Variants in DNAH12 observed in about 807,000 individuals in gnomAD.
DNAH12 encodes dynein axonemal heavy chain 12.
A neutral mutation model predicts 371.5 loss-of-function variants in DNAH12; 285 were observed. The ratio of observed to expected loss-of-function variants is 0.77; its 90% CI spans 0.70 to 0.85. DNAH12 has a LOEUF of 0.85. Among genes scored for constraint, DNAH12 ranks in the 40% least tolerant of loss-of-function variants. The probability of loss-of-function intolerance (pLI) is 0.00; values close to 1 mark genes in which losing one functional copy is unlikely to be tolerated. For synonymous variants in DNAH12, 1,200 were observed against 1,213.0 expected, an observed-to-expected ratio of 0.99 and a Z score of 0.22; for missense variants, 3,611 against 3,689.4, an observed-to-expected ratio of 0.98 and a Z score of 0.55.
intron 11 of DNAH12, among the ~76,000 whole-genome samples, chr3:57,500,730 A>G (rs1363136192): frequency 6.6e-6 from 1 of 152,164 alleles, no homozygotes; most frequent in Non-Finnish European, 1.5e-5. Flanking sequence ...TCAGGCTTCC[A>G]GGCCAAATAT....
chr3:57,324,334 C>T (rs1031511313), intron 62 of DNAH12, among the ~76,000 whole-genome samples: 6 of 152,144 alleles, frequency 3.9e-5, no homozygotes, highest in Non-Finnish European at 4.4e-5. Context: ...AAGAAAAATA[C>T]AAATTATAAC....
At chr3:57,354,858 A>G (rs2062761614) in intron 59 of DNAH12, among the ~76,000 whole-genome samples, 2 of 152,332 alleles carry the variant, frequency 1.3e-5, no homozygotes, top group South Asian at 4.1e-4. Context: ...TGCTGAGTAA[A>G]AAAAGCCAAT....
At chr3:57,516,603 G>T (rs923659032) in intron 4 of DNAH12, among the ~76,000 whole-genome samples, 1 of 152,022 alleles carries the variant, frequency 6.6e-6, no homozygotes, top group Non-Finnish European at 1.5e-5. Flanking sequence ...AAGTCCTGTC[G>T]CATTTACATC....
chr3:57,506,042 AG>A (rs2067747313), intron 8 of DNAH12, among the ~76,000 whole-genome samples: 1 of 152,158 alleles, frequency 6.6e-6, no homozygotes, highest in African/African-American at 2.4e-5. Context: ...CACCACACCC[AG>A]CCAAACCTTA....
At chr3:57,448,276 C>T (rs1422492863) in intron 25 of DNAH12, among the ~76,000 whole-genome samples, 1 of 152,098 alleles carries the variant, frequency 6.6e-6, no homozygotes, top group Admixed American at 6.5e-5. Flanking sequence ...TTCGTGGTCT[C>T]GCTGGCTCAG....
At chr3:57,498,595 A>C in intron 11 of DNAH12, 1 of 715,086 alleles carries the variant, frequency 1.4e-6, no homozygotes, top group Non-Finnish European at 2.6e-6. Flanking sequence ...AGAAGACCAT[A>C]GTAACTTTAT....
chr3:57,402,516 A>G, intron 43 of DNAH12: 1 of 1,065,974 alleles, frequency 9.4e-7, no homozygotes, highest in South Asian at 1.4e-5. Flanking sequence ...GCTAGAAACC[A>G]TTTATTTATC....
intron 23 of DNAH12, among the ~76,000 whole-genome samples, chr3:57,453,960 AT>A (rs1230819480): frequency 2.6e-5 from 4 of 152,032 alleles, no homozygotes; most frequent in African/African-American, 9.7e-5. Flanking sequence ...AAATTTTTAA[AT>A]TAGCCAGATG....
At chr3:57,489,413 T>C in intron 12 of DNAH12, 96 bp downstream of exon 12, 1 of 1,271,126 alleles carries the variant, frequency 7.9e-7, no homozygotes, top group Non-Finnish European at 1.0e-6. Context: ...TGTACGTACT[T>C]ACATATTTTA....
At chr3:57,498,597 T>C (rs1414948053) in intron 11 of DNAH12, 2 of 714,650 alleles carry the variant, frequency 2.8e-6, no homozygotes, top group Admixed American at 2.0e-5. Context: ...AAGACCATAG[T>C]AACTTTATTC....
At chr3:57,497,444 G>T (rs1427331222) in intron 11 of DNAH12, among the ~76,000 whole-genome samples, 1 of 152,150 alleles carries the variant, frequency 6.6e-6, no homozygotes, top group African/African-American at 2.4e-5. Context: ...CAGATATAGG[G>T]TCAATTGATT....
chr3:57,524,182 T>A (rs2153398364), intron 2 of DNAH12, among the ~76,000 whole-genome samples: 1 of 152,208 alleles, frequency 6.6e-6, no homozygotes, highest in South Asian at 2.1e-4. Flanking sequence ...ATTATCTCTG[T>A]TCAAATGTCT....
chr3:57,293,859 T>C lies in DNAH12; in HGVS notation c.11805A>G (p.Ala3935=), dbSNP rs1439497173. The C allele has an allele frequency of 7.7e-6, 12 of 1,550,620 alleles. No individual in the cohort carries two copies. The South Asian group carries it at 1.3e-4, about 17-fold the overall frequency. Residue 3935 remains alanine, a synonymous_variant, in exon 74 of 74, where the codon GCA becomes GCG. Transcript: ENST00000495027. The stretch of plus-strand genomic sequence containing the variant: ...TAGGTTGGTCTGTTTTTAACAACAT[T>C]GCAATGACAAAGTTAGTAGAATGTC... ...TTGHSTNFVI[A]MLLKTDQPTR... is the part of the protein sequence containing the mutation.
At chr3:57,452,400 C>T (rs567505274) in intron 25 of DNAH12, among the ~76,000 whole-genome samples, 1 of 152,284 alleles carries the variant, frequency 6.6e-6, no homozygotes, top group African/African-American at 2.4e-5. Flanking sequence ...CTCTATCCTC[C>T]ATAGCTTCAG....
Position 57,507,730 on chromosome 3 carries a change from G to C in DNAH12, c.810C>G (p.Leu270=). The C allele has an allele frequency of 1.2e-6, 2 of 1,611,522 alleles. No individual in the cohort carries two copies. Among genetic ancestry groups the C allele is most frequent in the African/African-American group, 1.3e-5 (1 of 74,870 alleles). Residue 270 remains leucine, a synonymous_variant, in exon 8 of 74, where the codon CTC becomes CTG. Transcript: ENST00000495027. The stretch of plus-strand genomic sequence containing the variant: ...CTTCTAGTGCCTCCTTCTTGGTAAA[G>C]AGATTTATAACCTTTGGATACCATG... ...MNTWYPKVIN[L]FTKKEALEGV... is the part of the protein sequence containing the mutation.
intron 30 of DNAH12, 119 bp from the exon 31 acceptor site, chr3:57,433,947 ATTT>A (rs2065039186): frequency 1.1e-6 from 1 of 883,638 alleles, no homozygotes; most frequent in Non-Finnish European, 1.5e-6. Flanking sequence ...AATCATATGA[ATTT>A]TTCTCAGACA....
intron 62 of DNAH12, among the ~76,000 whole-genome samples, chr3:57,324,736 G>A (rs2061893913): frequency 6.6e-6 from 1 of 152,216 alleles, no homozygotes; most frequent in African/African-American, 2.4e-5. Flanking sequence ...AGTGGGTGCA[G>A]CGCACCATGC....
intron 57 of DNAH12, among the ~76,000 whole-genome samples, chr3:57,364,565 G>A (rs1398462496): frequency 1.3e-5 from 2 of 152,044 alleles, no homozygotes; most frequent in African/African-American, 2.4e-5. Context: ...CACAGGCAAA[G>A]ATTTCACGAC....
intron 12 of DNAH12, among the ~76,000 whole-genome samples, chr3:57,483,730 G>A (rs62258436): frequency 0.021 from 3,136 of 151,720 alleles, 52 homozygotes; most frequent in Non-Finnish European, 0.028. Context: ...CAGATCACTT[G>A]AGCTCAGGAG....
Sources: gnomAD v4.1 joint callset for allele counts (sites outside exome capture counted in the v4.1 genomes callset) on GRCh38, gnomAD v4.1.1 for gene constraint, MANE v1.5 for transcripts, NCBI Gene and HGNC (gene_info 2026-07-23, HGNC 2026-07-21) for gene names.